SPG7: variants seen among roughly 807,000 people sequenced by gnomAD.
The protein encoded by SPG7 is mitochondrial inner membrane m-AAA protease component paraplegin.
In SPG7, 103 loss-of-function variants were observed where a neutral mutation model predicts 81.9. The ratio of observed to expected loss-of-function variants is 1.26; its 90% confidence interval spans 1.07 to 1.48. SPG7 has a LOEUF of 1.48. Ranked by LOEUF, SPG7 falls within the 40% of genes most tolerant of loss-of-function variation. The pLI, the probability that SPG7 is intolerant of heterozygous loss-of-function variation, is 0.00. For missense variants in SPG7, 1,241 were observed against 1,087.3 expected, an observed-to-expected ratio of 1.14 and a Z score of -1.99; for synonymous variants, 534 against 444.2, an observed-to-expected ratio of 1.20 and a Z score of -2.54.
At position 89,557,313 on chromosome 16, in the gene SPG7, A is replaced by G. The variant is rs555963642; in HGVS notation, c.*220A>G. On this transcript the variant is annotated 3_prime_UTR_variant, in exon 17 of 17. Transcript: ENST00000645818. ...CCTGTGTTTGTGAGTCGTTTCCCCT[A>G]TGGGGAAGGTTATCAGTGCTTCCCG... The G allele has an allele frequency of 7.0e-6, 4 of 572,692 alleles. No individual in the cohort carries two copies. The highest frequency in any genetic ancestry group is 6.1e-5 in the South Asian group (3 of 49,424). The allele number at this position is 572,692 out of a possible 1,614,324, so 35.5% of individuals were successfully genotyped here. A position where few individuals can be genotyped will look rare whatever the true frequency, so the allele number is the denominator to read the frequency against.
At chr16:89,509,557 A>G (rs941674748) in intron 1 of SPG7, among the ~76,000 whole-genome samples, 2 of 151,862 alleles carry the variant, frequency 1.3e-5, no homozygotes, top group Non-Finnish European at 2.9e-5. Flanking sequence ...GCCATAAAAC[A>G]TATTTAAATG....
intron 9 of SPG7, chr16:89,537,873 A>G (rs1168032251): frequency 1.7e-5 from 12 of 703,904 alleles, no homozygotes; most frequent in Non-Finnish European, 1.9e-5. Context: ...AAATGTATCA[A>G]GCACGCTCTG....
In SPG7 at chr16:89,557,492, G is replaced by C. The variant is rs545773844; in HGVS notation, c.*399G>C. The C allele has an allele frequency of 8.7e-4, 242 of 276,918 alleles. No individual in the cohort carries two copies. The highest frequency in any genetic ancestry group is 5.1e-3 in the African/African-American group (232 of 45,440). 17.2% of individuals were successfully genotyped at this position (276,918 alleles called of 1,614,324 possible). On this transcript the variant is annotated 3_prime_UTR_variant, in exon 17 of 17. Transcript: ENST00000645818. ...CGCCCCAGTTCCTGTGGCTCCCTCG[G>C]AATGCTAAGGGGATCGGACATGAAA...
chr16:89,548,373 A>G, intron 12 of SPG7: 1 of 474,760 alleles, frequency 2.1e-6, no homozygotes, highest in East Asian at 3.8e-5. Context: ...AAAAATAAAA[A>G]TAAAAAATGC....
intron 15 of SPG7, among the ~76,000 whole-genome samples, chr16:89,554,215 C>A (rs2058665282): frequency 6.6e-6 from 1 of 152,094 alleles, no homozygotes; most frequent in Non-Finnish European, 1.5e-5. Flanking sequence ...GAGCAATAGA[C>A]CCAGGGCCCA....
chr16:89,543,366 A>AGACG (rs2058523822), intron 9 of SPG7: 8 of 54,284 alleles, frequency 1.5e-4, no homozygotes, highest in South Asian at 6.6e-4. Context: ...TTTTTTTTTG[A>AGACG]GAGTCTTGCT....
In SPG7 at chr16:89,536,778, C is replaced by G. The variant is rs752323448; in HGVS notation, c.1324+4142C>G. 8 of 1,613,934 alleles carry G rather than the reference C, an allele frequency of 5.0e-6. No individual in the cohort carries two copies. The African/African-American group carries it at 8.0e-5, about 16-fold the overall frequency. ...TTCTCCAACCAGGTGCCTCTCTTGA[C>G]CAGCTACCCTCCCAGGGGACCATGA... On this transcript the variant is annotated intron_variant, in intron 9 of 16. Coordinates refer to ENST00000645818, the MANE Select transcript of SPG7 (RefSeq NM_003119.4).
intron 3 of SPG7, chr16:89,517,582 C>G (rs1317469418): frequency 6.6e-6 from 1 of 150,542 alleles, no homozygotes; most frequent in African/African-American, 2.4e-5. Context: ...AGCTGACATG[C>G]GTGTCTCTCC....
rs1329539523 is a variant in SPG7 at position 89,553,906 on chromosome 16, C to T, written c.2049C>T (p.Leu683=). ...PISFPEAQEG[L]MGIGRRPFSQ... ...CCTTCCCTGAGGCGCAGGAGGGCCT[C>T]ATGGGCATCGGGCGGCGCCCCTTCA... is the stretch of plus-strand genomic sequence containing the variant. Residue 683 remains leucine (L), a synonymous_variant, in exon 15 of 17, where the codon CTC becomes CTT. Coordinates refer to ENST00000645818, the MANE Select transcript of SPG7 (RefSeq NM_003119.4). 6.2e-7 allele frequency: 1 copy of T among 1,613,056 alleles called. No individual in the cohort carries two copies. The highest frequency in any genetic ancestry group is 1.1e-5 in the South Asian group (1 of 91,068).
intron 9 of SPG7, chr16:89,543,215 G>A (rs976204659): frequency 2.6e-5 from 4 of 152,128 alleles, no homozygotes; most frequent in East Asian, 1.9e-4. Flanking sequence ...CCAAAGTGCT[G>A]GGATTACAGG....
chr16:89,508,449 T>G lies in SPG7; in HGVS notation c.32T>G (p.Leu11Arg), dbSNP rs943187212. The G allele has an allele frequency of 6.7e-7, 1 of 1,502,510 alleles. No homozygotes were observed. Among genetic ancestry groups the G allele is most frequent in the East Asian group, 2.7e-5 (1 of 36,710 alleles). The allele number at this position is 1,502,510 out of a possible 1,614,324, so 93.1% of individuals were successfully genotyped here. Reference sequence around the variant, plus strand: ...GTGCTGCTGCTGCTGCTCCGTGCCCTCCGCCGGGGTCCAGGCCCGGGTCCT... The same window carrying G: ...GTGCTGCTGCTGCTGCTCCGTGCCCGCCGCCGGGGTCCAGGCCCGGGTCCT... MAVLLLLLRA[L>R]RRGPGPGPRP... Residue 11 changes from leucine to arginine, a missense_variant, in exon 1 of 17, where the codon CTC (leucine) becomes CGC (arginine). Transcript: ENST00000645818.
intron 12 of SPG7, chr16:89,548,330 C>A: frequency 4.0e-6 from 2 of 504,606 alleles, no homozygotes; most frequent in Non-Finnish European, 7.0e-6. Flanking sequence ...GCTCGTCCAA[C>A]AGAAATAAAA....
At chr16:89,511,423 A>C (rs2058020758) in intron 2 of SPG7, among the ~76,000 whole-genome samples, 1 of 152,200 alleles carries the variant, frequency 6.6e-6, no homozygotes, top group Admixed American at 6.6e-5. Context: ...CCCTTTATGG[A>C]GTTGGAACAG....
Position 89,533,034 on chromosome 16 carries a change from C to T in SPG7, c.1324+398C>T, listed in dbSNP as rs1825139767. On this transcript the variant is annotated intron_variant, in intron 9 of 16. Transcript: ENST00000645818. ...GCAGTGAGCCAAGATCTCACCATTG[C>T]ACTCCAGCCTGCCTGGGTGACAGAG... The T allele has an allele frequency of 2.5e-5, 4 of 162,818 alleles. No individual in the cohort carries two copies. The South Asian group carries it at 3.4e-4, about 14-fold the overall frequency. The allele number at this position is 162,818 out of a possible 1,614,324, so 10.1% of individuals were successfully genotyped here.
chr16:89,553,280 C>G, intron 14 of SPG7, 145 bp downstream of exon 14: 1 of 932,058 alleles, frequency 1.1e-6, no homozygotes, highest in Non-Finnish European at 1.7e-6. Context: ...AAGTTGTGGT[C>G]ATAAGAGAGT....
chr16:89,543,245 C>T (rs1227409222), intron 9 of SPG7: 1 of 149,220 alleles, frequency 6.7e-6, no homozygotes, highest in Admixed American at 6.7e-5. Context: ...CCGCGCCTGG[C>T]TATATCCTGT....
rs1421310936 is a variant in SPG7, at chr16:89,508,676, G to A, written c.183+76G>A. On this transcript the variant is annotated intron_variant, in intron 1 of 16. Coordinates refer to ENST00000645818, the MANE Select transcript of SPG7 (RefSeq NM_003119.4). The stretch of plus-strand genomic sequence containing the variant: ...AAGGCCCAGCCCGGCGGGGCGGGTC[G>A]GAGGCCGCCTGGCCCCTGCGGCGGG... 15 of 1,351,684 alleles carry A rather than the reference G, an allele frequency of 1.1e-5. No homozygotes were observed. The African/African-American group carries it at 2.1e-4, about 19-fold the overall frequency. The allele number at this position is 1,351,684 out of a possible 1,614,324, so 83.7% of individuals were successfully genotyped here.
intron 9 of SPG7, chr16:89,532,922 A>G: frequency 2.3e-6 from 1 of 441,902 alleles, no homozygotes; most frequent in Non-Finnish European, 4.2e-6. Context: ...CATCTCTACA[A>G]AAATACAAAA....
At chr16:89,521,412 G>C (rs1033710150) in intron 3 of SPG7, 1 of 152,222 alleles carries the variant, frequency 6.6e-6, no homozygotes, top group Non-Finnish European at 1.5e-5. Context: ...AGCAGAAGAG[G>C]TGTTTATTGT....
Sources: gnomAD v4.1 joint callset for allele counts (sites outside exome capture counted in the v4.1 genomes callset) on GRCh38, gnomAD v4.1.1 for gene constraint, MANE v1.5 for transcripts, NCBI Gene and HGNC (gene_info 2026-07-23, HGNC 2026-07-21) for gene names.